EDC3: variants seen among roughly 807,000 people sequenced by gnomAD.
EDC3 encodes the protein enhancer of mRNA-decapping protein 3.
EDC3 carries 20 observed loss-of-function variants against 41.8 expected under a neutral mutation model. That is an observed-to-expected ratio of 0.48 (90% CI 0.34 to 0.70). The LOEUF is 0.70. Ranked by LOEUF, EDC3 falls within the 30% of genes least tolerant of loss-of-function variation. The pLI is 0.01. For missense variants in EDC3, 444 were observed against 636.8 expected, an observed-to-expected ratio of 0.70 and a Z score of 3.26; for synonymous variants, 206 against 243.2, an observed-to-expected ratio of 0.85 and a Z score of 1.42.
chr15:74,636,708 C>T (rs2062277811), intron 5 of EDC3: 1 of 152,216 alleles, frequency 6.6e-6, no homozygotes, highest in African/African-American at 2.4e-5. Flanking sequence ...CATAACTGCC[C>T]CCATTCCCAA....
intron 1 of EDC3, among the ~76,000 whole-genome samples, chr15:74,684,519 C>T (rs2062913874): frequency 6.8e-6 from 1 of 146,038 alleles, no homozygotes; most frequent in Non-Finnish European, 1.5e-5. Flanking sequence ...GAAATAAATG[C>T]TTTCCCCAAG....
chr15:74,646,851 C>G (rs898713725), intron 4 of EDC3, among the ~76,000 whole-genome samples: 8 of 152,008 alleles, frequency 5.3e-5, no homozygotes, highest in Admixed American at 4.6e-4. Context: ...ACTAAAAGGT[C>G]ATGAAAATTT....
chr15:74,687,631 G>A (rs2141682006), intron 1 of EDC3, among the ~76,000 whole-genome samples: 1 of 152,274 alleles, frequency 6.6e-6, no homozygotes, highest in South Asian at 2.1e-4. Flanking sequence ...GCTCACCTCA[G>A]CCTCTGCACT....
chr15:74,658,643 A>C lies in EDC3; in HGVS notation c.485-2575T>G, dbSNP rs1335323173. Reference sequence around the variant, plus strand: ...GTCTCTGAAAAAAAAAAAAAAAAAAAAAAAAAAAAAACCAAGGCCAGGCGC... The same window carrying C: ...GTCTCTGAAAAAAAAAAAAAAAAAACAAAAAAAAAAACCAAGGCCAGGCGC... On this transcript the variant is annotated intron_variant, in intron 3 of 6. Coordinates refer to ENST00000315127, the MANE Select transcript of EDC3 (RefSeq NM_025083.5). Among the ~76,000 whole-genome samples, 23 of 150,348 alleles carry C rather than the reference A, an allele frequency of 1.5e-4. 1 individual carries two copies. In the South Asian group the frequency reaches 1.9e-3, roughly 12 times the overall value.
At chr15:74,662,151 C>T (rs748599453) in intron 3 of EDC3, among the ~76,000 whole-genome samples, 2 of 152,154 alleles carry the variant, frequency 1.3e-5, no homozygotes, top group African/African-American at 2.4e-5. Context: ...ATTACAGACT[C>T]GGCCCAAACA....
chr15:74,671,668 A>C lies in EDC3; in HGVS notation c.271T>G (p.Cys91Gly). 1 of 1,614,202 alleles carries C rather than the reference A, an allele frequency of 6.2e-7. No homozygotes were observed. The highest frequency in any genetic ancestry group is 8.5e-7 in the Non-Finnish European group (1 of 1,180,040). Residue 91 changes from cysteine to glycine, a missense_variant, in exon 3 of 7, where the codon TGC becomes GGC. Physicochemically the swap from Cys to Gly is radical, Grantham distance 159 (BLOSUM62 -3). Coordinates refer to ENST00000315127, the MANE Select transcript of EDC3 (RefSeq NM_025083.5). This position sits in a 1 kb window ranked among gnomAD's most constrained non-coding sequence, Gnocchi z 4.6. ...CCATTCTGATTGATGCCCACTTGGC[A>C]GCCAGCACCAGAGGGGCCTAATTCT... Reference protein sequence around the residue: ...QTELGPSGAGCQVGINQNGTG... With the variant: ...QTELGPSGAGGQVGINQNGTG...
At chr15:74,688,294 G>C (rs2062962474) in intron 1 of EDC3, among the ~76,000 whole-genome samples, 2 of 152,172 alleles carry the variant, frequency 1.3e-5, no homozygotes, top group Admixed American at 1.3e-4. Flanking sequence ...AGAAGTACAG[G>C]AGATACAGGA....
intron 3 of EDC3, among the ~76,000 whole-genome samples, chr15:74,666,180 C>T (rs1041784560): frequency 4.3e-4 from 66 of 152,192 alleles, no homozygotes; most frequent in African/African-American, 1.4e-3. Context: ...TAAGGCAGAC[C>T]TTTTTACTTA....
Position 74,632,783 on chromosome 15 carries a change from G to T in EDC3, c.1356C>A (p.Gly452=). The change falls in exon 7 of 7, where the codon GGC becomes GGA. Residue 452 remains glycine, a synonymous_variant. Coordinates refer to ENST00000315127, the MANE Select transcript of EDC3 (RefSeq NM_025083.5). The surrounding 1 kb of genome is among the most constrained non-coding windows in gnomAD (Gnocchi z 4.0). ...IDPPVHEVEQ[G]IDAKWSLALG... Reference sequence around the variant, plus strand: ...GTGCCAGTGACCATTTGGCATCAATGCCCTGTTCGACTTCATGCACAGGAG... The same window carrying T: ...GTGCCAGTGACCATTTGGCATCAATTCCCTGTTCGACTTCATGCACAGGAG... 1 of 1,614,266 alleles carries T rather than the reference G, an allele frequency of 6.2e-7. No homozygotes were observed. Among genetic ancestry groups the T allele is most frequent in the Non-Finnish European group, 8.5e-7 (1 of 1,180,040 alleles).
intron 1 of EDC3, among the ~76,000 whole-genome samples, chr15:74,682,936 C>T (rs1381520780): frequency 1.3e-5 from 2 of 151,974 alleles, no homozygotes; most frequent in Admixed American, 1.3e-4. Context: ...GCGGGAGAAT[C>T]GCTTGAACCT....
chr15:74,649,657 A>G (rs2062457862), intron 4 of EDC3, among the ~76,000 whole-genome samples: 2 of 152,172 alleles, frequency 1.3e-5, no homozygotes, highest in East Asian at 1.9e-4. Context: ...ACTTTTCCAC[A>G]TAATCTCATT....
At position 74,632,505 on chromosome 15, in the gene EDC3, C is replaced by T. The variant is rs2062222952; in HGVS notation, c.*107G>A. 4 of 1,327,812 alleles carry T rather than the reference C, an allele frequency of 3.0e-6. No individual in the cohort carries two copies. The highest frequency in any genetic ancestry group is 4.1e-6 in the Non-Finnish European group (4 of 970,812). The allele number at this position is 1,327,812 out of a possible 1,614,324, so 82.3% of individuals were successfully genotyped here. On this transcript the variant is annotated 3_prime_UTR_variant, in exon 7 of 7. Transcript: ENST00000315127. The surrounding 1 kb of genome is among the most constrained non-coding windows in gnomAD (Gnocchi z 4.0). ...TCTGTTCTCTCACAGAAGAAACAAA[C>T]CCAAAAGAGAAAAAACTTTAACAAG... is the stretch of plus-strand genomic sequence containing the variant.
At position 74,658,652 on chromosome 15, in the gene EDC3, A is replaced by C. The variant is rs982483260; in HGVS notation, c.485-2584T>G. ...AAAAAAAAAAAAAAAAAAAAAAAAAAAACCAAGGCCAGGCGCGGGGGCTCA... is the reference window on the plus strand; with the variant it reads ...AAAAAAAAAAAAAAAAAAAAAAAAACAACCAAGGCCAGGCGCGGGGGCTCA... On this transcript the variant is annotated intron_variant, in intron 3 of 6. Transcript: ENST00000315127. Among the ~76,000 whole-genome samples, 15 of 148,208 alleles carry C rather than the reference A, an allele frequency of 1.0e-4. No individual in the cohort carries two copies. The South Asian group carries it at 2.8e-3, about 28-fold the overall frequency.
At chr15:74,689,790 C>T (rs540382994) in intron 1 of EDC3, among the ~76,000 whole-genome samples, 114 of 152,326 alleles carry the variant, frequency 7.5e-4, no homozygotes, top group Admixed American at 2.9e-3. Context: ...TCCCAAAGTG[C>T]TGGGATTACA....
chr15:74,661,190 T>C (rs1188791058), intron 3 of EDC3, among the ~76,000 whole-genome samples: 1 of 152,232 alleles, frequency 6.6e-6, no homozygotes, highest in African/African-American at 2.4e-5. Flanking sequence ...GGCAGAACAC[T>C]TTCCCTATTC....
At chr15:74,652,684 C>T (rs926424951) in intron 4 of EDC3, among the ~76,000 whole-genome samples, 7 of 151,666 alleles carry the variant, frequency 4.6e-5, no homozygotes, top group Non-Finnish European at 1.5e-5. Context: ...TGGGCTCAGA[C>T]GCTCCTACTT....
intron 4 of EDC3, among the ~76,000 whole-genome samples, 186 bp downstream of exon 4, chr15:74,655,547 C>A (rs1208484596): frequency 6.6e-6 from 1 of 152,104 alleles, no homozygotes; most frequent in Non-Finnish European, 1.5e-5. Context: ...CAGAAATTAC[C>A]CCTCCACCAT....
Position 74,684,633 on chromosome 15 carries a change from C to G in EDC3, c.-18-9491G>C, listed in dbSNP as rs1440043656. On this transcript the variant is annotated intron_variant, in intron 1 of 6. Coordinates refer to ENST00000315127, the MANE Select transcript of EDC3 (RefSeq NM_025083.5). ...AAGACAAGAAAAAGAAAAAAAAAAA[C>G]CCAGAAAGTTAAATAAATAATAAAG... Among the ~76,000 whole-genome samples the G allele has an allele frequency of 2.7e-5, 4 of 149,610 alleles. No homozygotes were observed. The South Asian group carries it at 8.4e-4, about 31-fold the overall frequency.
At chr15:74,663,716 A>G (rs988271612) in intron 3 of EDC3, among the ~76,000 whole-genome samples, 2 of 151,250 alleles carry the variant, frequency 1.3e-5, no homozygotes, top group African/African-American at 4.9e-5. Context: ...AAAAAAAAAA[A>G]GCTAATAAAT....
Sources: allele counts gnomAD v4.1 joint callset (sites outside exome capture counted in the v4.1 genomes callset), GRCh38; gene constraint gnomAD v4.1.1; non-coding constraint Gnocchi (gnomAD v3.1); transcripts MANE v1.5; gene names NCBI Gene and HGNC (gene_info 2026-07-23, HGNC 2026-07-21).